SCLY: variants seen among roughly 807,000 people sequenced by gnomAD.
SCLY encodes selenocysteine lyase.
SCLY carries 38 observed loss-of-function variants against 50.1 expected under a neutral mutation model. The observed-to-expected ratio is 0.76, with a 90% CI of 0.59 to 0.99. The LOEUF is 0.99. Ranked by LOEUF, SCLY falls within the 50% of genes least tolerant of loss-of-function variation. SCLY has a pLI of 0.00. For missense variants in SCLY, 600 were observed against 620.0 expected, an observed-to-expected ratio of 0.97 and a Z score of 0.34; for synonymous variants, 243 against 249.4, an observed-to-expected ratio of 0.97 and a Z score of 0.24.
At chr2:238,081,642 G>A in intron 4 of SCLY, 67 bp from the exon 5 acceptor site, 1 of 1,571,964 alleles carries the variant, frequency 6.4e-7, no homozygotes, top group Admixed American at 1.8e-5. Flanking sequence ...GTTAAGCTCT[G>A]TTGGAACGCA....
At chr2:238,087,196 G>C (rs970045548) in intron 7 of SCLY, among the ~76,000 whole-genome samples, 1 of 151,304 alleles carries the variant, frequency 6.6e-6, no homozygotes, top group South Asian at 2.1e-4. Flanking sequence ...GTGGTGGCAC[G>C]GGCCTGTAGT....
At chr2:238,087,000 C>A (rs2065304631) in intron 7 of SCLY, among the ~76,000 whole-genome samples, 1 of 143,566 alleles carries the variant, frequency 7.0e-6, no homozygotes, top group South Asian at 2.2e-4. Flanking sequence ...GCCTGGGCAA[C>A]AAGAGCAAAA....
Position 238,067,042 on chromosome 2 carries a change from C to T in SCLY, c.203-1023C>T, listed in dbSNP as rs867552417. Among the ~76,000 whole-genome samples, 5 of 152,066 alleles carry T rather than the reference C, an allele frequency of 3.3e-5. No individual in the cohort carries two copies. Among genetic ancestry groups the T allele is most frequent in the African/African-American group, 7.2e-5 (3 of 41,410 alleles). Reference sequence around the variant, plus strand: ...ACCTCCCACCGGGTCCCTCTGATGACGTGGGAATTATGGGAGCTACAATTC... The same window carrying T: ...ACCTCCCACCGGGTCCCTCTGATGATGTGGGAATTATGGGAGCTACAATTC... On this transcript the variant is annotated intron_variant, in intron 2 of 11. Transcript: ENST00000254663. The surrounding 1 kb of genome is among the most constrained non-coding windows in gnomAD (Gnocchi z 4.3).
In SCLY at chr2:238,069,772, A is replaced by C. The variant is rs1430620146; in HGVS notation, c.484+295A>C. On this transcript the variant is annotated intron_variant, in intron 4 of 11. Coordinates refer to ENST00000254663, the MANE Select transcript of SCLY (RefSeq NM_016510.7). The surrounding 1 kb of genome is among the most constrained non-coding windows in gnomAD (Gnocchi z 5.0). ...AAGTTCATTGAGAATGAATATGTAG[A>C]ACTAGCCATTTGTATAACTGAGTGA... 3.1e-6 allele frequency: 1 copy of C among 321,382 alleles called. No individual in the cohort carries two copies. The highest frequency in any genetic ancestry group is 5.7e-6 in the Non-Finnish European group (1 of 176,878). The allele number at this position is 321,382 out of a possible 1,614,324, so 19.9% of individuals were successfully genotyped here.
intron 7 of SCLY, among the ~76,000 whole-genome samples, chr2:238,084,516 G>A (rs952730448): frequency 2.0e-5 from 3 of 148,108 alleles, no homozygotes; most frequent in Non-Finnish European, 3.0e-5. Context: ...GCTTGAACCC[G>A]GGAGGCTGAG....
Position 238,098,196 on chromosome 2 carries a change from C to T in SCLY, c.1185-6C>T, listed in dbSNP as rs371134727. On this transcript the variant is annotated splice_region_variant and splice_polypyrimidine_tract_variant and intron_variant, in intron 11 of 11. Transcript: ENST00000254663. ...AGCAGCTGCAGCTCGGTCTCGCCCT[C>T]CCCAGGCCGTCCCCAGTGCTGCTGA... The T allele has an allele frequency of 7.5e-6, 12 of 1,609,010 alleles. No individual in the cohort carries two copies. Among genetic ancestry groups the T allele is most frequent in the Non-Finnish European group, 1.0e-5 (12 of 1,178,626 alleles).
intron 9 of SCLY, 180 bp downstream of exon 9, chr2:238,094,124 C>A (rs2065399605): frequency 1.5e-6 from 1 of 653,248 alleles, no homozygotes; most frequent in Non-Finnish European, 2.7e-6. Flanking sequence ...GGATCTGAAA[C>A]CCCGAAAGCA....
intron 3 of SCLY, 134 bp downstream of exon 3, chr2:238,068,299 A>T: frequency 1.5e-6 from 1 of 683,072 alleles, no homozygotes; most frequent in South Asian, 2.2e-5. Context: ...CTGTAATCCC[A>T]GTACTTTGGG....
At position 238,083,416 on chromosome 2, in the gene SCLY, A is replaced by G. The variant is rs2106447872; in HGVS notation, c.884+62A>G. On this transcript the variant is annotated intron_variant, in intron 7 of 11. Transcript: ENST00000254663. This position sits in a 1 kb window ranked among gnomAD's most constrained non-coding sequence, Gnocchi z 4.3. The stretch of plus-strand genomic sequence containing the variant: ...ACCGTGTCATTTGTAGAGCAGTGAC[A>G]TTGTAAAGAAACATGGCGCTGTTTC... The G allele has an allele frequency of 4.1e-6, 5 of 1,220,138 alleles. No individual in the cohort carries two copies. The South Asian group carries it at 6.0e-5, about 15-fold the overall frequency. 75.6% of individuals were successfully genotyped at this position (1,220,138 alleles called of 1,614,324 possible). A position where few individuals can be genotyped will look rare whatever the true frequency, so the allele number is the denominator to read the frequency against.
At chr2:238,072,892 TTTG>T (rs753655025) in intron 4 of SCLY, among the ~76,000 whole-genome samples, 1 of 152,132 alleles carries the variant, frequency 6.6e-6, no homozygotes, top group Middle Eastern at 3.2e-3. Context: ...GAAGTCTATT[TTTG>T]TTGTTGTTGT....
intron 4 of SCLY, among the ~76,000 whole-genome samples, chr2:238,070,308 AAG>A (rs1401788968): frequency 6.6e-6 from 1 of 152,224 alleles, no homozygotes; most frequent in African/African-American, 2.4e-5. Flanking sequence ...GGTGAATAAA[AAG>A]AAAATATTTT....
chr2:238,083,428 C>A lies in SCLY; in HGVS notation c.884+74C>A. 8.8e-7 allele frequency: 1 copy of A among 1,136,122 alleles called. No individual in the cohort carries two copies. Among genetic ancestry groups the A allele is most frequent in the Non-Finnish European group, 1.3e-6 (1 of 746,342 alleles). The allele number at this position is 1,136,122 out of a possible 1,614,324, so 70.4% of individuals were successfully genotyped here. On this transcript the variant is annotated intron_variant, in intron 7 of 11. Coordinates refer to ENST00000254663, the MANE Select transcript of SCLY (RefSeq NM_016510.7). The surrounding 1 kb of genome is among the most constrained non-coding windows in gnomAD (Gnocchi z 4.3). ...GTAGAGCAGTGACATTGTAAAGAAACATGGCGCTGTTTCTTGGTCTCGTGG... is the reference window on the plus strand; with the variant it reads ...GTAGAGCAGTGACATTGTAAAGAAAAATGGCGCTGTTTCTTGGTCTCGTGG...
In SCLY at chr2:238,091,228, A is replaced by T; in HGVS notation, c.895A>T (p.Thr299Ser). Residue 299 changes from threonine to serine, a missense_variant, in exon 8 of 12, where the codon ACC becomes TCC. Coordinates refer to ENST00000254663, the MANE Select transcript of SCLY (RefSeq NM_016510.7). ...CCTTGTTTCTTACAGGACAGAGAAC[A>T]CCCCAATGATTGCTGGCCTTGGGAA... The part of the protein sequence containing the change: ...ERNFRPGTEN[T>S]PMIAGLGKAA... 6.2e-7 allele frequency: 1 copy of T among 1,613,490 alleles called. No homozygotes were observed. Among genetic ancestry groups the T allele is most frequent in the Non-Finnish European group, 8.5e-7 (1 of 1,179,530 alleles).
intron 1 of SCLY, among the ~76,000 whole-genome samples, chr2:238,061,635 C>T (rs1248694872): frequency 2.0e-5 from 3 of 152,116 alleles, no homozygotes; most frequent in East Asian, 3.9e-4. Context: ...GAGAGGAAGC[C>T]GGGAAGCCAG....
chr2:238,074,425 G>A (rs1323755041), intron 4 of SCLY, among the ~76,000 whole-genome samples: 2 of 152,088 alleles, frequency 1.3e-5, no homozygotes, highest in Non-Finnish European at 2.9e-5. Flanking sequence ...GAGTTTGTAT[G>A]TTACTCTTGT....
chr2:238,068,260 AAG>A, intron 3 of SCLY, 95 bp downstream of exon 3: 3 of 986,778 alleles, frequency 3.0e-6, no homozygotes, highest in Non-Finnish European at 1.5e-6. Flanking sequence ...CATTTAAAGA[AAG>A]AGTAGGCCAA....
chr2:238,080,469 G>A (rs1428819044), intron 4 of SCLY: 1 of 152,250 alleles, frequency 6.6e-6, no homozygotes, highest in Non-Finnish European at 1.5e-5. Context: ...CGTTTCCCCA[G>A]GAGGTGTCTC....
chr2:238,074,424 T>A (rs2065153972), intron 4 of SCLY, among the ~76,000 whole-genome samples: 1 of 152,178 alleles, frequency 6.6e-6, no homozygotes, highest in Non-Finnish European at 1.5e-5. Context: ...TGAGTTTGTA[T>A]GTTACTCTTG....
intron 7 of SCLY, among the ~76,000 whole-genome samples, chr2:238,089,434 C>T (rs765493055): frequency 3.3e-5 from 5 of 152,050 alleles, no homozygotes; most frequent in Non-Finnish European, 5.9e-5. Context: ...CCGCAGGAGA[C>T]GCAAATCAGT....
Sources: gnomAD v4.1 joint callset for allele counts (sites outside exome capture counted in the v4.1 genomes callset) on GRCh38, gnomAD v4.1.1 for gene constraint, Gnocchi (gnomAD v3.1) non-coding constraint, MANE v1.5 for transcripts, NCBI Gene and HGNC (gene_info 2026-07-23, HGNC 2026-07-21) for gene names.